Variants in DLGAP2 observed in about 807,000 individuals in gnomAD.
DLGAP2 encodes disks large-associated protein 2.
A neutral mutation model predicts 100.3 loss-of-function variants in DLGAP2; 26 were observed. The ratio of observed to expected loss-of-function variants is 0.26; its 90% CI spans 0.19 to 0.36. DLGAP2 has a LOEUF of 0.36. Among genes scored for constraint, DLGAP2 ranks in the 10% least tolerant of loss-of-function variants. DLGAP2 has a pLI of 1.00. For missense variants in DLGAP2, 1,858 were observed against 1,453.2 expected (o/e 1.28, Z -4.53); for synonymous variants, 886 against 630.1 (o/e 1.41, Z -6.08).
At chr8:1,117,587 C>G (rs1585076340) in intron 2 of DLGAP2, among the ~76,000 whole-genome samples, 1 of 152,238 alleles carries the variant, frequency 6.6e-6, no homozygotes, top group East Asian at 1.9e-4. Flanking sequence ...TGGGAAGATG[C>G]TTAGAAATCA....
intron 2 of DLGAP2, among the ~76,000 whole-genome samples, chr8:1,092,417 C>G (rs1338846403): frequency 6.6e-6 from 1 of 152,216 alleles, no homozygotes; most frequent in East Asian, 1.9e-4. Flanking sequence ...CCGGGGCTGG[C>G]TTGCCTGTGG....
chr8:1,536,890 G>C (rs1025209883), intron 4 of DLGAP2, among the ~76,000 whole-genome samples: 2 of 152,152 alleles, frequency 1.3e-5, no homozygotes, highest in South Asian at 4.1e-4. Context: ...AGGGCATTCA[G>C]TGCTCACAGT....
intron 2 of DLGAP2, among the ~76,000 whole-genome samples, chr8:947,390 G>A (rs983630344): frequency 6.6e-6 from 1 of 152,214 alleles, no homozygotes; most frequent in Non-Finnish European, 1.5e-5. Context: ...TTGCGGGAAG[G>A]ATTTTCATGT....
chr8:848,387 C>T (rs1172402870), intron 1 of DLGAP2, among the ~76,000 whole-genome samples: 8 of 114,784 alleles, frequency 7.0e-5, no homozygotes, highest in East Asian at 2.4e-4. Context: ...TCGTGCGGTG[C>T]GTGTTCCAGT....
chr8:1,389,527 G>T (rs1033173488), intron 3 of DLGAP2, among the ~76,000 whole-genome samples: 1 of 152,172 alleles, frequency 6.6e-6, no homozygotes, highest in Non-Finnish European at 1.5e-5. Flanking sequence ...TGTGGACGAG[G>T]CCGCTCGGTG....
intron 4 of DLGAP2, among the ~76,000 whole-genome samples, chr8:1,515,440 A>G (rs1800336126): frequency 6.6e-6 from 1 of 152,220 alleles, no homozygotes; most frequent in Non-Finnish European, 1.5e-5. Context: ...ACACATGCAC[A>G]CACACGTGCA....
intron 2 of DLGAP2, among the ~76,000 whole-genome samples, chr8:1,171,020 T>C (rs1797117240): frequency 6.6e-6 from 1 of 151,952 alleles, no homozygotes; most frequent in African/African-American, 2.4e-5. Context: ...TGTGGGCATT[T>C]AGTGCTATAA....
At chr8:1,589,074 A>G in intron 6 of DLGAP2, among the ~76,000 whole-genome samples, 1 of 152,218 alleles carries the variant, frequency 6.6e-6, no homozygotes, top group Non-Finnish European at 1.5e-5. Flanking sequence ...AATGAAAACT[A>G]ATAATGTATG....
In DLGAP2 at chr8:1,632,818, T is replaced by C. The variant is rs765259860; in HGVS notation, c.1591-9T>C. On this transcript the variant is annotated splice_polypyrimidine_tract_variant and intron_variant, in intron 7 of 14. Transcript: ENST00000637795. ...GCCGGGGCATCACGTGTGCTGTTGA[T>C]GATTGCAGGTGAGCGAGGCGGAGAT... 1 of 1,598,556 alleles carries C rather than the reference T, an allele frequency of 6.3e-7. No homozygotes were observed. The highest frequency in any genetic ancestry group is 1.7e-5 in the Admixed American group (1 of 59,332).
chr8:1,391,372 G>A (rs1045052612), intron 3 of DLGAP2, among the ~76,000 whole-genome samples: 7 of 152,208 alleles, frequency 4.6e-5, no homozygotes, highest in African/African-American at 9.6e-5. Context: ...CCATTCAGAG[G>A]CCAGATCGGA....
chr8:839,182 T>TA (rs926746659), intron 1 of DLGAP2, among the ~76,000 whole-genome samples: 1 of 151,884 alleles, frequency 6.6e-6, no homozygotes, highest in African/African-American at 2.4e-5. Context: ...TGCAGGTTCC[T>TA]AAAAAAAATA....
chr8:1,672,466 G>A (rs903619947), intron 10 of DLGAP2, among the ~76,000 whole-genome samples: 1 of 152,174 alleles, frequency 6.6e-6, no homozygotes, highest in Non-Finnish European at 1.5e-5. Flanking sequence ...GACCTCAGGT[G>A]ATCCACCTGT....
intron 1 of DLGAP2, among the ~76,000 whole-genome samples, chr8:881,917 A>T (rs1422219384): frequency 6.6e-6 from 1 of 152,142 alleles, no homozygotes; most frequent in Non-Finnish European, 1.5e-5. Context: ...CCCAATATCC[A>T]GTCTGGTTGA....
chr8:1,391,468 A>G (rs1457235902), intron 3 of DLGAP2, among the ~76,000 whole-genome samples: 1 of 152,188 alleles, frequency 6.6e-6, no homozygotes, highest in Non-Finnish European at 1.5e-5. Flanking sequence ...AGTGCCAAGC[A>G]AAGTGAGGGA....
At chr8:1,591,662 T>C (rs1796294810) in intron 6 of DLGAP2, among the ~76,000 whole-genome samples, 1 of 152,130 alleles carries the variant, frequency 6.6e-6, no homozygotes, top group Non-Finnish European at 1.5e-5. Flanking sequence ...GCAGGAAATA[T>C]GCGTGTGATT....
In DLGAP2 at chr8:1,344,114, T is replaced by TTCCGGGCCCTGTCGTGGGTCCGTGTAC. The variant is rs1554447134; in HGVS notation, c.106+85233_106+85234insCGGGCCCTGTCGTGGGTCCGTGTACTC. On this transcript the variant is annotated intron_variant, in intron 3 of 14. Transcript: ENST00000637795. ...CGGGGCCCTGTCGTGGGTCCATGTA[T>TTCCGGGCCCTGTCGTGGGTCCGTGTAC]TCGGGGCCCTGTCGTGGGTCCGTGT... 5.4e-3 allele frequency among the ~76,000 whole-genome samples: 200 copies of TTCCGGGCCCTGTCGTGGGTCCGTGTAC among 36,916 alleles called. 5 individuals are homozygous for TTCCGGGCCCTGTCGTGGGTCCGTGTAC. In the East Asian group the frequency reaches 0.2, roughly 37 times the overall value. The allele number at this position is 36,916 out of a possible 152,430, so 24.2% of individuals were successfully genotyped here.
Position 865,170 on chromosome 8 carries a change from C to T in DLGAP2, c.19-42742C>T, listed in dbSNP as rs549423021. On this transcript the variant is annotated intron_variant, in intron 1 of 14. Coordinates refer to ENST00000637795, the MANE Select transcript of DLGAP2 (RefSeq NM_001346810.2). ...AGGCTCACCTGGCCCACCAGGACGA[C>T]GGGTGCCCTCGCTGGACACGCTGTC... 7.9e-5 allele frequency among the ~76,000 whole-genome samples: 12 copies of T among 152,300 alleles called. No individual in the cohort carries two copies. The East Asian group carries it at 1.4e-3, about 17-fold the overall frequency.
At chr8:1,087,410 C>T (rs180699536) in intron 2 of DLGAP2, among the ~76,000 whole-genome samples, 12 of 152,300 alleles carry the variant, frequency 7.9e-5, no homozygotes, top group Admixed American at 5.2e-4. Flanking sequence ...GGCTGTGTTC[C>T]TCACTCCAGC....
chr8:1,376,570 C>T (rs1176163360), intron 3 of DLGAP2, among the ~76,000 whole-genome samples: 2 of 152,178 alleles, frequency 1.3e-5, no homozygotes. Context: ...CTGCTCTCCT[C>T]CTGCTGAAGA....
Sources: allele counts gnomAD v4.1 joint callset (sites outside exome capture counted in the v4.1 genomes callset), GRCh38; gene constraint gnomAD v4.1.1; transcripts MANE v1.5; gene names NCBI Gene and HGNC (gene_info 2026-07-23, HGNC 2026-07-21).